The following CADM2 variants were observed in gnomAD, a reference collection of about 807,000 sequenced individuals.
The protein encoded by CADM2 is immunoglobulin superfamily member 4D.
CADM2 carries 12 observed loss-of-function variants against 49.8 expected under a neutral mutation model. That is an observed-to-expected ratio of 0.24 (90% CI 0.15 to 0.39). CADM2 has a LOEUF of 0.39. Among genes scored for constraint, CADM2 ranks in the 10% least tolerant of loss-of-function variants. CADM2 has a pLI of 1.00. For missense variants in CADM2, 378 were observed against 492.3 expected (o/e 0.77, Z 2.20); for synonymous variants, 214 against 175.4 (o/e 1.22, Z -1.74).
At chr3:85,481,593 A>C (rs1291139527) in intron 1 of CADM2, among the ~76,000 whole-genome samples, 1 of 151,634 alleles carries the variant, frequency 6.6e-6, no homozygotes, top group Non-Finnish European at 1.5e-5. Flanking sequence ...TCCCAGCCAT[A>C]AACACCGGGT....
At chr3:86,008,877 A>G (rs1284131187) in intron 8 of CADM2, among the ~76,000 whole-genome samples, 3 of 151,884 alleles carry the variant, frequency 2.0e-5, no homozygotes, top group Non-Finnish European at 2.9e-5. Flanking sequence ...ATAAAAGTTA[A>G]ATTAACAAGT....
At chr3:85,414,752 T>TTCAAA (rs778152829) in intron 1 of CADM2, among the ~76,000 whole-genome samples, 7 of 152,170 alleles carry the variant, frequency 4.6e-5, no homozygotes, top group Non-Finnish European at 8.8e-5. Flanking sequence ...TACATTTCCA[T>TTCAAA]TCAAACTTTA....
rs565183288 is a variant in CADM2 at position 85,964,505 on chromosome 3, A to G, written c.970+2858A>G. On this transcript the variant is annotated intron_variant, in intron 8 of 9. Coordinates refer to ENST00000383699, the MANE Select transcript of CADM2 (RefSeq NM_001167675.2). ...TATTAAGCATTATTAAGCATTATTT[A>G]AATGCTACCACATTTAATTGTTAAA... 4.6e-5 allele frequency among the ~76,000 whole-genome samples: 7 copies of G among 151,890 alleles called. No homozygotes were observed. The South Asian group carries it at 1.5e-3, about 31-fold the overall frequency.
chr3:85,447,025 T>A (rs2037499030), intron 1 of CADM2, among the ~76,000 whole-genome samples: 1 of 139,898 alleles, frequency 7.1e-6, no homozygotes, highest in Non-Finnish European at 1.5e-5. Context: ...TATATATATA[T>A]ATATATGCTT....
At chr3:85,645,095 A>G (rs1356088107) in intron 1 of CADM2, among the ~76,000 whole-genome samples, 1 of 151,940 alleles carries the variant, frequency 6.6e-6, no homozygotes, top group African/African-American at 2.4e-5. Flanking sequence ...CTCTTTTCTG[A>G]TACTTTCTCT....
At chr3:85,602,490 A>G (rs1256483339) in intron 1 of CADM2, among the ~76,000 whole-genome samples, 1 of 151,736 alleles carries the variant, frequency 6.6e-6, no homozygotes, top group East Asian at 1.9e-4. Context: ...AACAAATCCA[A>G]CAACTTGCGA....
chr3:85,820,524 G>A (rs866384080), intron 3 of CADM2, among the ~76,000 whole-genome samples: 1 of 152,288 alleles, frequency 6.6e-6, no homozygotes, highest in Middle Eastern at 3.4e-3. Flanking sequence ...TGGCAAGAAT[G>A]TGAGGTTGAA....
intron 1 of CADM2, among the ~76,000 whole-genome samples, chr3:85,672,699 A>AAG (rs976430620): frequency 2.0e-5 from 3 of 152,192 alleles, no homozygotes; most frequent in Non-Finnish European, 4.4e-5. Flanking sequence ...TCTGATTTTG[A>AAG]AACCCTTTTA....
chr3:85,568,990 C>T (rs1312931801), intron 1 of CADM2, among the ~76,000 whole-genome samples: 1 of 152,160 alleles, frequency 6.6e-6, no homozygotes, highest in Non-Finnish European at 1.5e-5. Flanking sequence ...TATAAATTCA[C>T]ATCCAGTTGC....
chr3:85,969,425 A>AG (rs1310844451), intron 8 of CADM2, among the ~76,000 whole-genome samples: 3 of 151,466 alleles, frequency 2.0e-5, no homozygotes, highest in African/African-American at 7.3e-5. Flanking sequence ...AAATGCTGCC[A>AG]GAAATGCTGA....
At chr3:85,151,252 T>C (rs1048973799) in intron 1 of CADM2, among the ~76,000 whole-genome samples, 1 of 152,134 alleles carries the variant, frequency 6.6e-6, no homozygotes, top group African/African-American at 2.4e-5. Flanking sequence ...TTTTCTTTAC[T>C]ATATTCCTAG....
At chr3:85,805,916 C>G (rs1030847394) in intron 3 of CADM2, among the ~76,000 whole-genome samples, 3 of 152,228 alleles carry the variant, frequency 2.0e-5, no homozygotes, top group African/African-American at 7.2e-5. Context: ...ACTCTTCTTT[C>G]TGTCTCAGAT....
intron 1 of CADM2, among the ~76,000 whole-genome samples, chr3:84,999,438 A>G (rs774639911): frequency 3.3e-5 from 5 of 152,154 alleles, no homozygotes; most frequent in Non-Finnish European, 7.4e-5. Context: ...TCTAACACAG[A>G]TATTTTCTCT....
chr3:85,781,898 G>A (rs1386222585), intron 2 of CADM2, among the ~76,000 whole-genome samples: 1 of 152,194 alleles, frequency 6.6e-6, no homozygotes, highest in Non-Finnish European at 1.5e-5. Context: ...ATTTATGTGA[G>A]TGAGTGTCTT....
chr3:85,005,603 G>T (rs2033679614), intron 1 of CADM2, among the ~76,000 whole-genome samples: 2 of 151,956 alleles, frequency 1.3e-5, no homozygotes. Flanking sequence ...TCATAATGAT[G>T]AGCCATTAGC....
At chr3:85,519,321 A>T (rs1389246085) in intron 1 of CADM2, among the ~76,000 whole-genome samples, 1 of 152,154 alleles carries the variant, frequency 6.6e-6, no homozygotes, top group Non-Finnish European at 1.5e-5. Context: ...CTTGAGCGAT[A>T]TATTTCCCTC....
At chr3:85,396,219 A>G (rs930025198) in intron 1 of CADM2, among the ~76,000 whole-genome samples, 4 of 151,676 alleles carry the variant, frequency 2.6e-5, no homozygotes, top group African/African-American at 9.7e-5. Flanking sequence ...AGATTAGTGA[A>G]GCTGTAAAGT....
At chr3:85,221,202 G>A (rs189265979) in intron 1 of CADM2, among the ~76,000 whole-genome samples, 2 of 152,228 alleles carry the variant, frequency 1.3e-5, no homozygotes, top group East Asian at 3.9e-4. Context: ...AAGTTGAACT[G>A]TATTCAATTG....
At chr3:86,008,547 T>C (rs1273874586) in intron 8 of CADM2, among the ~76,000 whole-genome samples, 1 of 152,082 alleles carries the variant, frequency 6.6e-6, no homozygotes, top group Non-Finnish European at 1.5e-5. Flanking sequence ...AATGCTGAGA[T>C]GATGTAGAGG....
Sources: allele counts gnomAD v4.1 joint callset (sites outside exome capture counted in the v4.1 genomes callset), GRCh38; gene constraint gnomAD v4.1.1; transcripts MANE v1.5; gene names NCBI Gene and HGNC (gene_info 2026-07-23, HGNC 2026-07-21).